The following MGMT variants were observed in gnomAD, a reference collection of about 807,000 sequenced individuals.
MGMT encodes the protein methylated-DNA--protein-cysteine methyltransferase.
In MGMT, 14 loss-of-function variants were observed where a neutral mutation model predicts 15.9. The ratio of observed to expected loss-of-function variants is 0.88; its 90% CI spans 0.58 to 1.37. MGMT has a LOEUF of 1.37. Ranked by LOEUF, MGMT falls within the 40% of genes most tolerant of loss-of-function variation. The pLI is 0.00. For synonymous variants in MGMT, 130 were observed against 118.2 expected, an observed-to-expected ratio of 1.10 and a Z score of -0.65; for missense variants, 282 against 268.1, an observed-to-expected ratio of 1.05 and a Z score of -0.36.
intron 2 of MGMT, among the ~76,000 whole-genome samples, chr10:129,672,660 C>T (rs1484589738): frequency 6.6e-6 from 1 of 152,132 alleles, no homozygotes; most frequent in Non-Finnish European, 1.5e-5. Context: ...AATGATTTCT[C>T]AATTCTAGTA....
intron 1 of MGMT, among the ~76,000 whole-genome samples, chr10:129,510,037 C>G (rs1270419319): frequency 6.6e-6 from 1 of 152,158 alleles, no homozygotes; most frequent in African/African-American, 2.4e-5. Flanking sequence ...ATCTGGGGTC[C>G]TGGAGCGGCC....
At chr10:129,614,838 C>A (rs941855831) in intron 2 of MGMT, among the ~76,000 whole-genome samples, 1 of 152,092 alleles carries the variant, frequency 6.6e-6, no homozygotes, top group Non-Finnish European at 1.5e-5. Context: ...GTATGTTGTT[C>A]ATTTCAGGCC....
intron 1 of MGMT, 75 bp downstream of exon 1, chr10:129,467,371 C>G: frequency 7.1e-7 from 1 of 1,418,328 alleles, no homozygotes; most frequent in Admixed American, 2.9e-5. Context: ...TCGAGTGGTC[C>G]TGCAGGCGCC....
At chr10:129,525,659 G>A (rs142026306) in intron 1 of MGMT, among the ~76,000 whole-genome samples, 51 of 152,104 alleles carry the variant, frequency 3.4e-4, no homozygotes, top group African/African-American at 1.1e-3. Flanking sequence ...AATAAAAACC[G>A]GCACACCTCC....
At chr10:129,690,509 A>G (rs1489016149) in intron 2 of MGMT, among the ~76,000 whole-genome samples, 1 of 152,192 alleles carries the variant, frequency 6.6e-6, no homozygotes, top group African/African-American at 2.4e-5. Context: ...TGTGGAAACC[A>G]CAGGACCATA....
intron 1 of MGMT, among the ~76,000 whole-genome samples, chr10:129,488,446 A>G (rs1845435516): frequency 6.6e-6 from 1 of 152,172 alleles, no homozygotes; most frequent in Non-Finnish European, 1.5e-5. Flanking sequence ...ATTATCTTAT[A>G]TAGTCTGAAT....
intron 2 of MGMT, among the ~76,000 whole-genome samples, chr10:129,660,450 G>T (rs1328523619): frequency 4.6e-5 from 7 of 152,064 alleles, no homozygotes; most frequent in African/African-American, 1.7e-4. Context: ...CATCAAACTT[G>T]AGATTAAAAC....
chr10:129,655,819 A>G (rs560680742), intron 2 of MGMT, among the ~76,000 whole-genome samples: 10 of 152,326 alleles, frequency 6.6e-5, no homozygotes, highest in Admixed American at 3.3e-4. Context: ...TTGCAAAAGC[A>G]CATGGTAAAC....
In MGMT at chr10:129,573,776, C is replaced by A. The variant is rs183135342; in HGVS notation, c.125+37399C>A. ...GATTGACTTTGTAGTCAATCATAAC[C>A]CTTGACCATATTTTTTTTGGTGGTA... On this transcript the variant is annotated intron_variant, in intron 2 of 4. Transcript: ENST00000651593. 5.3e-5 allele frequency among the ~76,000 whole-genome samples: 8 copies of A among 152,204 alleles called. No individual in the cohort carries two copies. The East Asian group carries it at 1.5e-3, about 29-fold the overall frequency.
chr10:129,577,741 G>T lies in MGMT; in HGVS notation c.125+41364G>T, dbSNP rs181027969. Among the ~76,000 whole-genome samples, 314 of 152,206 alleles carry T rather than the reference G, an allele frequency of 2.1e-3. 9 individuals are homozygous for T. In the East Asian group the frequency reaches 0.057, roughly 28 times the overall value. ...CAGCAAAAGAAACCACCATCAGAGT[G>T]AACAGGCAACCTACAGAATAGGAGA... On this transcript the variant is annotated intron_variant, in intron 2 of 4. Transcript: ENST00000651593.
chr10:129,594,997 C>T (rs1429017213), intron 2 of MGMT, among the ~76,000 whole-genome samples: 4 of 152,194 alleles, frequency 2.6e-5, no homozygotes, highest in Non-Finnish European at 2.9e-5. Context: ...CAGCGCCCCA[C>T]GTCTCACGGT....
chr10:129,518,325 GATACACACACATAC>G lies in MGMT; in HGVS notation c.-12-17914_-12-17901del, dbSNP rs1179121027. Among the ~76,000 whole-genome samples, 136 of 88,112 alleles carry G rather than the reference GATACACACACATAC, an allele frequency of 1.5e-3. 3 individuals carry two copies. The highest frequency in any genetic ancestry group is 2.5e-3 in the Non-Finnish European group (102 of 41,148). 57.8% of individuals were successfully genotyped at this position (88,112 alleles called of 152,430 possible). ...GAAAATTCTAAATGATGTGTGTACA[GATACACACACATAC>G]ACACACACACACACACACACACACA... On this transcript the variant is annotated intron_variant, in intron 1 of 4. Coordinates refer to ENST00000651593, the MANE Select transcript of MGMT (RefSeq NM_002412.5).
At chr10:129,580,898 G>C (rs1846546878) in intron 2 of MGMT, among the ~76,000 whole-genome samples, 2 of 152,168 alleles carry the variant, frequency 1.3e-5, no homozygotes, top group Admixed American at 1.3e-4. Flanking sequence ...TACCATTTCT[G>C]GGAACCATGG....
chr10:129,608,952 T>C (rs1175698528), intron 2 of MGMT, among the ~76,000 whole-genome samples: 2 of 152,276 alleles, frequency 1.3e-5, no homozygotes, highest in East Asian at 1.9e-4. Flanking sequence ...AAGTAAAGCA[T>C]GCTTACGCAG....
chr10:129,650,224 G>C (rs1276458115), intron 2 of MGMT, among the ~76,000 whole-genome samples: 1 of 152,128 alleles, frequency 6.6e-6, no homozygotes. Flanking sequence ...CCCTGGGAGG[G>C]GCTTGAGCAG....
At chr10:129,681,180 G>A (rs1049467547) in intron 2 of MGMT, among the ~76,000 whole-genome samples, 5 of 152,218 alleles carry the variant, frequency 3.3e-5, no homozygotes, top group Admixed American at 1.3e-4. Context: ...CACCGGGTGC[G>A]CTGTGGACTG....
At chr10:129,616,156 G>C (rs1847023533) in intron 2 of MGMT, among the ~76,000 whole-genome samples, 1 of 152,210 alleles carries the variant, frequency 6.6e-6, no homozygotes, top group African/African-American at 2.4e-5. Context: ...GCAAACAAGA[G>C]CACTGAGCAG....
At chr10:129,763,280 T>C (rs1848895888) in intron 4 of MGMT, among the ~76,000 whole-genome samples, 1 of 152,218 alleles carries the variant, frequency 6.6e-6, no homozygotes, top group African/African-American at 2.4e-5. Context: ...GTACAGATCC[T>C]TTGAAAATGT....
chr10:129,589,131 A>G (rs1846651879), intron 2 of MGMT, among the ~76,000 whole-genome samples: 1 of 152,240 alleles, frequency 6.6e-6, no homozygotes, highest in Non-Finnish European at 1.5e-5. Context: ...TTGGAGCACC[A>G]GGGAGTACAA....
Sources: allele counts gnomAD v4.1 joint callset (sites outside exome capture counted in the v4.1 genomes callset), GRCh38; gene constraint gnomAD v4.1.1; transcripts MANE v1.5; gene names NCBI Gene and HGNC (gene_info 2026-07-23, HGNC 2026-07-21).